The following ASCC3 variants were observed in gnomAD, a reference collection of about 807,000 sequenced individuals.
ASCC3 encodes the protein ASC-1 complex subunit P200.
Under a neutral mutation model 256.3 loss-of-function variants are expected in ASCC3, and 158 were observed. The observed-to-expected ratio is 0.62, with a 90% CI of 0.54 to 0.70. ASCC3 has a LOEUF of 0.70. Among genes scored for constraint, ASCC3 ranks in the 30% least tolerant of loss-of-function variants. ASCC3 has a pLI of 0.00. For synonymous variants in ASCC3, 948 were observed against 883.4 expected (o/e 1.07, Z -1.30); for missense variants, 2,259 against 2,626.0 (o/e 0.86, Z 3.05).
chr6:100,560,754 C>T lies in ASCC3; in HGVS notation c.5551-20367G>A, dbSNP rs554442111. On this transcript the variant is annotated intron_variant, in intron 36 of 41. Transcript: ENST00000369162. Reference sequence around the variant, plus strand: ...ACCCCAAACATCTTAGAGGAACACACACACACACACACACACACACACACA... The same window carrying T: ...ACCCCAAACATCTTAGAGGAACACATACACACACACACACACACACACACA... Among the ~76,000 whole-genome samples the T allele has an allele frequency of 3.5e-4, 48 of 138,846 alleles. No homozygotes were observed. The South Asian group carries it at 9.9e-3, about 29-fold the overall frequency. The allele number at this position is 138,846 out of a possible 152,430, so 91.1% of individuals were successfully genotyped here. A position where few individuals can be genotyped will look rare whatever the true frequency, so the allele number is the denominator to read the frequency against.
chr6:100,733,617 C>A (rs963748494), intron 10 of ASCC3, among the ~76,000 whole-genome samples: 1 of 152,098 alleles, frequency 6.6e-6, no homozygotes, highest in African/African-American at 2.4e-5. Flanking sequence ...TTATAAACTA[C>A]CCTGTCTAAG....
chr6:100,675,606 T>C (rs914571188), intron 14 of ASCC3, among the ~76,000 whole-genome samples: 6 of 152,216 alleles, frequency 3.9e-5, no homozygotes, highest in African/African-American at 1.4e-4. Flanking sequence ...AAAATTATAC[T>C]TTAAAGCAGC....
chr6:100,725,745 G>T (rs780585234), intron 10 of ASCC3, 42 bp from the exon 11 acceptor site: 1 of 1,599,828 alleles, frequency 6.3e-7, no homozygotes, highest in Admixed American at 1.7e-5. Context: ...AGTTACATAG[G>T]TTATTTAACA....
intron 20 of ASCC3, 78 bp downstream of exon 20, chr6:100,650,460 T>C: frequency 2.8e-6 from 4 of 1,440,354 alleles, no homozygotes; most frequent in South Asian, 2.3e-5. Flanking sequence ...AATGCATTCA[T>C]AGCACAGCAT....
At chr6:100,692,477 A>C (rs1288290607) in intron 13 of ASCC3, among the ~76,000 whole-genome samples, 2 of 152,048 alleles carry the variant, frequency 1.3e-5, no homozygotes, top group African/African-American at 4.8e-5. Context: ...TCCAGTTAGA[A>C]ACTTGAAAAA....
intron 13 of ASCC3, among the ~76,000 whole-genome samples, chr6:100,704,518 CA>C (rs1047605256): frequency 5.3e-5 from 8 of 151,840 alleles, no homozygotes; most frequent in South Asian, 4.1e-4. Context: ...TTGATTTTTA[CA>C]TAATTAATTT....
intron 36 of ASCC3, among the ~76,000 whole-genome samples, chr6:100,585,692 T>C (rs935026459): frequency 6.6e-6 from 1 of 152,210 alleles, no homozygotes; most frequent in Non-Finnish European, 1.5e-5. Context: ...TGTTCTGTTT[T>C]TTCCCCATCT....
chr6:100,520,365 A>AAT (rs1394369869), intron 37 of ASCC3, among the ~76,000 whole-genome samples: 1 of 151,694 alleles, frequency 6.6e-6, no homozygotes, highest in Non-Finnish European at 1.5e-5. Flanking sequence ...TTAGTAGAGC[A>AAT]ATACGTAACT....
intron 37 of ASCC3, among the ~76,000 whole-genome samples, chr6:100,539,512 T>C (rs1051825172): frequency 2.6e-5 from 4 of 152,170 alleles, no homozygotes; most frequent in African/African-American, 9.6e-5. Context: ...CTTCTCACTT[T>C]TTTTTATTGT....
In ASCC3 at chr6:100,601,955, T is replaced by C. The variant is rs748935680; in HGVS notation, c.5178-20A>G. The C allele has an allele frequency of 4.3e-6, 7 of 1,610,236 alleles. No individual in the cohort carries two copies. The Middle Eastern group carries it at 5.2e-4, about 119-fold the overall frequency. ...AATAAACTATATAGTGAACAAGACA[T>C]GGGAAGCATACAAGAGCATTAAACT... On this transcript the variant is annotated intron_variant, in intron 33 of 41. Coordinates refer to ENST00000369162, the MANE Select transcript of ASCC3 (RefSeq NM_006828.4).
intron 34 of ASCC3, among the ~76,000 whole-genome samples, chr6:100,600,075 TAAG>T (rs1350032680): frequency 6.6e-6 from 1 of 152,026 alleles, no homozygotes; most frequent in Admixed American, 6.6e-5. Flanking sequence ...AGTGAGGAAA[TAAG>T]AATCAGTGTG....
intron 37 of ASCC3, among the ~76,000 whole-genome samples, chr6:100,532,302 T>G (rs1171796936): frequency 6.7e-6 from 1 of 148,690 alleles, no homozygotes; most frequent in Non-Finnish European, 1.5e-5. Context: ...TCAGATTAGC[T>G]CAGTTTTCTC....
At position 100,845,755 on chromosome 6, in the gene ASCC3, T is replaced by G. The variant is rs557468975; in HGVS notation, c.801+2393A>C. On this transcript the variant is annotated intron_variant, in intron 4 of 41. Transcript: ENST00000369162. The stretch of plus-strand genomic sequence containing the variant: ...TGAATATACTTTTTATTCCCATGTT[T>G]CTAACACTAGTTTAACAATAACATA... Among the ~76,000 whole-genome samples, 6 of 152,284 alleles carry G rather than the reference T, an allele frequency of 3.9e-5. 1 individual carries two copies. In the South Asian group the frequency reaches 1.2e-3, roughly 32 times the overall value.
chr6:100,602,909 A>T (rs954886006), intron 33 of ASCC3, among the ~76,000 whole-genome samples: 2 of 152,126 alleles, frequency 1.3e-5, no homozygotes, highest in Non-Finnish European at 2.9e-5. Flanking sequence ...ACGAGAAAAT[A>T]GTTATAATAA....
chr6:100,674,776 G>C (rs1329844663), intron 14 of ASCC3, among the ~76,000 whole-genome samples: 1 of 152,094 alleles, frequency 6.6e-6, no homozygotes, highest in African/African-American at 2.4e-5. Context: ...TGGGACTACA[G>C]GCGTATGCCA....
intron 29 of ASCC3, among the ~76,000 whole-genome samples, chr6:100,626,533 G>C (rs1049930316): frequency 6.6e-6 from 1 of 151,952 alleles, no homozygotes; most frequent in Non-Finnish European, 1.5e-5. Flanking sequence ...AAGTACTTTA[G>C]TTATTTACTA....
At chr6:100,681,544 T>C (rs1258104892) in intron 13 of ASCC3, among the ~76,000 whole-genome samples, 1 of 151,596 alleles carries the variant, frequency 6.6e-6, no homozygotes, top group Non-Finnish European at 1.5e-5. Context: ...CTGGCCAACA[T>C]GGTGAAACCC....
chr6:100,589,897 T>G (rs755098055), intron 35 of ASCC3, 51 bp downstream of exon 35: 8 of 1,593,790 alleles, frequency 5.0e-6, no homozygotes, highest in Non-Finnish European at 6.9e-6. Context: ...AAAAGACCTG[T>G]CAAAAAGCTG....
rs1249067651 is a variant in ASCC3, at chr6:100,725,965, G to C, written c.1738-262C>G. Among the ~76,000 whole-genome samples, 7 of 126,830 alleles carry C rather than the reference G, an allele frequency of 5.5e-5. No homozygotes were observed. The East Asian group carries it at 2.9e-3, about 52-fold the overall frequency. 83.2% of individuals were successfully genotyped at this position (126,830 alleles called of 152,430 possible). On this transcript the variant is annotated intron_variant, in intron 10 of 41. Coordinates refer to ENST00000369162, the MANE Select transcript of ASCC3 (RefSeq NM_006828.4). Reference sequence around the variant, plus strand: ...AGGGCAAAGTGTACAAAATACACATGTTTTTTTAAAAAGTATCTTACAATG... The same window carrying C: ...AGGGCAAAGTGTACAAAATACACATCTTTTTTTAAAAAGTATCTTACAATG...
Sources: gnomAD v4.1 joint callset for allele counts (sites outside exome capture counted in the v4.1 genomes callset) on GRCh38, gnomAD v4.1.1 for gene constraint, MANE v1.5 for transcripts, NCBI Gene and HGNC (gene_info 2026-07-23, HGNC 2026-07-21) for gene names.